The following RBFOX1 variants were observed in gnomAD, a reference collection of about 807,000 sequenced individuals.
RBFOX1 encodes the protein RNA binding protein fox-1 homolog 1.
Under a neutral mutation model 57.7 loss-of-function variants are expected in RBFOX1, and 8 were observed. That is an observed-to-expected ratio of 0.14 (90% CI 0.08 to 0.25). The LOEUF is 0.25. Among genes scored for constraint, RBFOX1 ranks in the 10% least tolerant of loss-of-function variants. The pLI is 1.00. For missense variants in RBFOX1, 611 were observed against 548.5 expected (o/e 1.11, Z -1.14); for synonymous variants, 326 against 222.4 (o/e 1.47, Z -4.15).
intron 2 of RBFOX1, among the ~76,000 whole-genome samples, chr16:6,492,230 T>C (rs2095648596): frequency 6.6e-6 from 1 of 152,192 alleles, no homozygotes; most frequent in South Asian, 2.1e-4. Context: ...ACTGTTAGAA[T>C]GTGGAATAGT....
Position 7,153,541 on chromosome 16 carries a change from C to T in RBFOX1, c.27+101443C>T, listed in dbSNP as rs538951334. On this transcript the variant is annotated intron_variant, in intron 4 of 15. Coordinates refer to ENST00000550418, the MANE Select transcript of RBFOX1 (RefSeq NM_018723.4). ...CACAAGGTCAAGAGATCGAGACCATCCTGGCCAAATAGTGAAACCCCATCT... is the reference window on the plus strand; with the variant it reads ...CACAAGGTCAAGAGATCGAGACCATTCTGGCCAAATAGTGAAACCCCATCT... 3.3e-5 allele frequency among the ~76,000 whole-genome samples: 5 copies of T among 151,628 alleles called. No homozygotes were observed. In the South Asian group the frequency reaches 1.0e-3, roughly 32 times the overall value.
rs1196255201 is a variant in RBFOX1 at position 7,428,492 on chromosome 16, ATTT to A, written c.28-89653_28-89651del. On this transcript the variant is annotated intron_variant, in intron 4 of 15. Coordinates refer to ENST00000550418, the MANE Select transcript of RBFOX1 (RefSeq NM_018723.4). ...CAGGCATCCACTACCACTCCTGGCTATTTTATTATTATTATTATTATTATTATT... is the reference window on the plus strand; with the variant it reads ...CAGGCATCCACTACCACTCCTGGCTATATTATTATTATTATTATTATTATT... Among the ~76,000 whole-genome samples the A allele has an allele frequency of 1.8e-3, 203 of 112,094 alleles. 1 individual carries two copies. Among genetic ancestry groups the A allele is most frequent in the African/African-American group, 6.6e-3 (196 of 29,474 alleles). The allele number at this position is 112,094 out of a possible 152,430, so 73.5% of individuals were successfully genotyped here.
At chr16:5,461,194 C>T (rs1567545423) in intron 1 of RBFOX1, among the ~76,000 whole-genome samples, 1 of 152,100 alleles carries the variant, frequency 6.6e-6, no homozygotes, top group Non-Finnish European at 1.5e-5. Flanking sequence ...AAGGTTAGAC[C>T]AGCAGAGAAT....
intron 4 of RBFOX1, among the ~76,000 whole-genome samples, chr16:7,195,518 C>T (rs995921731): frequency 2.0e-5 from 3 of 152,130 alleles, no homozygotes; most frequent in East Asian, 3.9e-4. Flanking sequence ...TGAGGACCTA[C>T]GATGCTTGCT....
chr16:5,780,254 T>A (rs11640265), intron 3 of RBFOX1, among the ~76,000 whole-genome samples: 52,322 of 152,166 alleles, frequency 0.34, 9,879 homozygotes, highest in East Asian at 0.55. Context: ...CACCCATCTC[T>A]GCCTCCCAAA....
chr16:6,587,289 C>G (rs2097642111), intron 2 of RBFOX1, among the ~76,000 whole-genome samples: 1 of 125,244 alleles, frequency 8.0e-6, no homozygotes, highest in Non-Finnish European at 1.9e-5. Context: ...CTGAGTTTGG[C>G]CTTTTTTTTT....
chr16:6,961,346 A>G (rs1352056694), intron 3 of RBFOX1, among the ~76,000 whole-genome samples: 1 of 152,070 alleles, frequency 6.6e-6, no homozygotes, highest in Non-Finnish European at 1.5e-5. Context: ...CCCTGCGTCC[A>G]CTCCAGACCG....
chr16:7,076,723 G>C (rs2058365944), intron 4 of RBFOX1, among the ~76,000 whole-genome samples: 1 of 152,066 alleles, frequency 6.6e-6, no homozygotes, highest in African/African-American at 2.4e-5. Context: ...TTCTAACCAA[G>C]ATGTTCACTC....
At chr16:5,664,416 T>G (rs993189298) in intron 3 of RBFOX1, among the ~76,000 whole-genome samples, 3 of 152,012 alleles carry the variant, frequency 2.0e-5, no homozygotes, top group African/African-American at 7.2e-5. Context: ...GGCACGGTGG[T>G]GTGTGCCTGT....
chr16:7,351,659 C>G (rs1268554281), intron 4 of RBFOX1, among the ~76,000 whole-genome samples: 2 of 152,164 alleles, frequency 1.3e-5, no homozygotes, highest in African/African-American at 4.8e-5. Context: ...CACTTGTTCT[C>G]TTTTTTTCGC....
At chr16:6,045,721 C>T (rs1198816832) in intron 1 of RBFOX1, among the ~76,000 whole-genome samples, 2 of 152,108 alleles carry the variant, frequency 1.3e-5, no homozygotes, top group African/African-American at 4.8e-5. Flanking sequence ...TGATATGTAC[C>T]ATCAATGAAA....
intron 1 of RBFOX1, among the ~76,000 whole-genome samples, chr16:6,114,923 A>G (rs901662117): frequency 3.9e-5 from 6 of 152,230 alleles, no homozygotes; most frequent in African/African-American, 1.4e-4. Flanking sequence ...ATTCACAACT[A>G]TATTTACACT....
At chr16:5,896,254 C>T (rs1035688329) in intron 4 of RBFOX1, among the ~76,000 whole-genome samples, 1 of 152,122 alleles carries the variant, frequency 6.6e-6, no homozygotes, top group African/African-American at 2.4e-5. Flanking sequence ...TTTGTCCTCC[C>T]AAACCTCATG....
intron 1 of RBFOX1, among the ~76,000 whole-genome samples, chr16:6,181,233 A>G (rs560477478): frequency 1.6e-4 from 24 of 152,326 alleles, no homozygotes; most frequent in African/African-American, 5.3e-4. Context: ...ACCTGAAAAC[A>G]CATGAGCTCC....
chr16:7,526,573 G>A (rs1567671975), intron 5 of RBFOX1, among the ~76,000 whole-genome samples: 1 of 152,104 alleles, frequency 6.6e-6, no homozygotes, highest in African/African-American at 2.4e-5. Context: ...CTTTTCCTTT[G>A]AGGAGGGTTT....
chr16:7,482,476 G>C (rs12448681), intron 4 of RBFOX1, among the ~76,000 whole-genome samples: 52,329 of 140,368 alleles, frequency 0.37, 11,384 homozygotes, highest in Non-Finnish European at 0.51. Context: ...CCCAGTTGTT[G>C]TTGTTGTTGT....
intron 3 of RBFOX1, among the ~76,000 whole-genome samples, chr16:6,828,550 TC>T (rs2092418613): frequency 6.6e-6 from 1 of 151,376 alleles, no homozygotes; most frequent in South Asian, 2.1e-4. Flanking sequence ...GATAGCAGTT[TC>T]ATATGACTAG....
chr16:7,096,823 G>A lies in RBFOX1; in HGVS notation c.27+44725G>A, dbSNP rs981217920. 5.3e-5 allele frequency among the ~76,000 whole-genome samples: 8 copies of A among 150,346 alleles called. 1 individual carries two copies. The East Asian group carries it at 8.1e-4, about 15-fold the overall frequency. ...GGCTCTCCCCTGTAATCCCAGCTACGTAGGGGGCTGAGGTAAGAGAATCAC... is the reference window on the plus strand; with the variant it reads ...GGCTCTCCCCTGTAATCCCAGCTACATAGGGGGCTGAGGTAAGAGAATCAC... On this transcript the variant is annotated intron_variant, in intron 4 of 15. Transcript: ENST00000550418.
intron 4 of RBFOX1, among the ~76,000 whole-genome samples, chr16:7,249,701 G>A (rs2094439363): frequency 6.6e-6 from 1 of 151,698 alleles, no homozygotes; most frequent in African/African-American, 2.4e-5. Context: ...TTTTGGCACA[G>A]TCCCAATTGC....
Sources: gnomAD v4.1 joint callset for allele counts (sites outside exome capture counted in the v4.1 genomes callset) on GRCh38, gnomAD v4.1.1 for gene constraint, MANE v1.5 for transcripts, NCBI Gene and HGNC (gene_info 2026-07-23, HGNC 2026-07-21) for gene names.